Variants in FBXL2 observed in about 807,000 individuals in gnomAD.
FBXL2 encodes F-box/LRR-repeat protein 2.
FBXL2 carries 38 observed loss-of-function variants against 69.2 expected under a neutral mutation model. The ratio of observed to expected loss-of-function variants is 0.55; its 90% CI spans 0.42 to 0.72. FBXL2 has a LOEUF of 0.72. Ranked by LOEUF, FBXL2 falls within the 30% of genes least tolerant of loss-of-function variation. The pLI is 0.00. For missense variants in FBXL2, 354 were observed against 520.3 expected (o/e 0.68, Z 3.11); for synonymous variants, 192 against 201.3 (o/e 0.95, Z 0.39).
intron 13 of FBXL2, chr3:33,383,219 C>G (rs1432547167): frequency 6.6e-6 from 1 of 152,330 alleles, no homozygotes; most frequent in Non-Finnish European, 1.5e-5. Flanking sequence ...AGAGTTAGAA[C>G]TCATTTATTT....
chr3:33,354,496 G>C (rs904303101), intron 2 of FBXL2, among the ~76,000 whole-genome samples: 10 of 151,570 alleles, frequency 6.6e-5, no homozygotes, highest in African/African-American at 2.4e-4. Flanking sequence ...CTGGGTGACA[G>C]AGTGAGACTC....
At chr3:33,303,238 G>GA in intron 2 of FBXL2, 1 of 451,168 alleles carries the variant, frequency 2.2e-6, no homozygotes, top group Non-Finnish European at 4.5e-6. Context: ...TTGCCGAAGA[G>GA]TTTTTTTAGG....
chr3:33,316,339 A>G (rs375393280), intron 2 of FBXL2, among the ~76,000 whole-genome samples: 2 of 152,086 alleles, frequency 1.3e-5, no homozygotes, highest in East Asian at 1.9e-4. Flanking sequence ...GATTACAGGC[A>G]TGAGCCACCA....
intron 12 of FBXL2, chr3:33,396,344 T>C (rs1378775195): frequency 4.1e-6 from 5 of 1,216,532 alleles, no homozygotes; most frequent in African/African-American, 1.5e-5. Context: ...TGTACAAATA[T>C]GACAACTACA....
Position 33,364,630 on chromosome 3 carries a change from A to C in FBXL2, c.201A>C (p.Arg67=), listed in dbSNP as rs1386721806. The C allele has an allele frequency of 4.3e-6, 7 of 1,613,996 alleles. No individual in the cohort carries two copies. The highest frequency in any genetic ancestry group is 5.9e-6 in the Non-Finnish European group (7 of 1,179,952). ...CCGAACTTTCTTGATTAAAGGGTCG[A>C]GTGGTGGAAAATATCTCGAAGCGAT... The part of the protein sequence containing the change: ...LFNFQTDVEG[R]VVENISKRCG... The change falls in exon 5 of 15, where the codon CGA becomes CGC. Residue 67 remains arginine, a synonymous_variant. Coordinates refer to ENST00000484457, the MANE Select transcript of FBXL2 (RefSeq NM_012157.5).
At chr3:33,383,894 C>G in intron 13 of FBXL2, 95 bp from the exon 14 acceptor site, 2 of 1,174,384 alleles carry the variant, frequency 1.7e-6, no homozygotes, top group East Asian at 4.9e-5. Context: ...CATCCCATTG[C>G]AGAAGGGCAA....
chr3:33,277,205 G>T (rs999346647), upstream of FBXL2: 3 of 366,568 alleles, frequency 8.2e-6, no homozygotes, highest in African/African-American at 2.1e-5. Context: ...AAAATCCATG[G>T]TCTCTTTCAG....
downstream of FBXL2, among the ~76,000 whole-genome samples, chr3:33,407,961 T>C (rs1190829250): frequency 2.6e-5 from 4 of 152,186 alleles, no homozygotes; most frequent in East Asian, 7.7e-4. Context: ...AAATAAAGAT[T>C]TGCTATACTT....
chr3:33,392,867 G>T (rs942725139), downstream of FBXL2: 1 of 405,930 alleles, frequency 2.5e-6, no homozygotes, highest in Non-Finnish European at 4.3e-6. Flanking sequence ...ATTCCCTGCC[G>T]GCTCCAGTGG....
chr3:33,414,017 A>G, the FBXL2 span: 3 of 152,230 alleles, frequency 2.0e-5, no homozygotes, highest in African/African-American at 2.4e-5. Flanking sequence ...ACATATTCAG[A>G]TGAAAACAGT....
intron 2 of FBXL2, among the ~76,000 whole-genome samples, chr3:33,313,504 G>T (rs1474921233): frequency 6.6e-6 from 1 of 152,138 alleles, no homozygotes; most frequent in Non-Finnish European, 1.5e-5. Context: ...GGAATGTAGT[G>T]GTGTGATCAT....
rs185211112 is a variant in FBXL2, at chr3:33,366,135, C to T, written c.290+1416C>T. The stretch of plus-strand genomic sequence containing the variant: ...CTTTAAATCATGAATTAGATTGGCT[C>T]TTTTAAACATGTTTAAACAACCCTC... On this transcript the variant is annotated intron_variant, in intron 5 of 14. Transcript: ENST00000484457. 6.2e-4 allele frequency among the ~76,000 whole-genome samples: 94 copies of T among 152,290 alleles called. 1 individual carries two copies. The highest frequency in any genetic ancestry group is 2.1e-3 in the African/African-American group (88 of 41,558).
chr3:33,383,800 A>C (rs2043218326), intron 13 of FBXL2, 189 bp from the exon 14 acceptor site: 1 of 587,338 alleles, frequency 1.7e-6, no homozygotes, highest in Admixed American at 3.0e-5. Flanking sequence ...AGACTGGATA[A>C]TTTGTAATGA....
chr3:33,327,848 A>G (rs567873480), intron 2 of FBXL2, among the ~76,000 whole-genome samples: 71 of 152,188 alleles, frequency 4.7e-4, no homozygotes, highest in African/African-American at 1.7e-3. Flanking sequence ...TGGCCAGTGC[A>G]ATAATTAGGC....
chr3:33,277,352 A>G, upstream of FBXL2: 1 of 676,422 alleles, frequency 1.5e-6, no homozygotes, highest in Non-Finnish European at 2.1e-6. Context: ...GGCGGTCCAA[A>G]GGGCACCGCC....
chr3:33,379,397 C>G (rs1251797190), intron 13 of FBXL2, among the ~76,000 whole-genome samples: 1 of 152,140 alleles, frequency 6.6e-6, no homozygotes, highest in Non-Finnish European at 1.5e-5. Context: ...CTCTGTCACC[C>G]AGGCTGGACT....
the FBXL2 span, among the ~76,000 whole-genome samples, chr3:33,419,074 G>C: frequency 6.6e-6 from 1 of 152,106 alleles, no homozygotes; most frequent in Non-Finnish European, 1.5e-5. Context: ...TCAGTTTTCT[G>C]CTGTATTAGA....
At chr3:33,290,731 T>C (rs761063546) in intron 1 of FBXL2, among the ~76,000 whole-genome samples, 6 of 152,170 alleles carry the variant, frequency 3.9e-5, no homozygotes, top group Non-Finnish European at 8.8e-5. Flanking sequence ...AGTATATACC[T>C]GTAACTAGAG....
intron 1 of FBXL2, among the ~76,000 whole-genome samples, chr3:33,290,470 G>A (rs1304687080): frequency 1.3e-5 from 2 of 152,218 alleles, no homozygotes; most frequent in East Asian, 3.8e-4. Context: ...CAGTCTCAGT[G>A]ATGGCCCAGA....
Sources: allele counts gnomAD v4.1 joint callset (sites outside exome capture counted in the v4.1 genomes callset), GRCh38; gene constraint gnomAD v4.1.1; transcripts MANE v1.5; gene names NCBI Gene and HGNC (gene_info 2026-07-23, HGNC 2026-07-21).